The following F2RL2 variants were observed in gnomAD, a reference collection of about 807,000 sequenced individuals.
The protein encoded by F2RL2 is proteinase-activated receptor 3.
Under a neutral mutation model 4.3 loss-of-function variants are expected in F2RL2, and 4 were observed. The observed-to-expected ratio is 0.93, with a 90% CI of 0.46 to 2.12. The LOEUF is 2.12. F2RL2 is among the 30% of genes most tolerant of loss of function. The probability of loss-of-function intolerance (pLI) is 0.02; values close to 1 mark genes in which losing one functional copy is unlikely to be tolerated. For synonymous variants in F2RL2, 166 were observed against 170.9 expected, an observed-to-expected ratio of 0.97 and a Z score of 0.22; for missense variants, 408 against 449.3, an observed-to-expected ratio of 0.91 and a Z score of 0.83.
intron 1 of F2RL2, 22 bp downstream of exon 1, chr5:76,623,145 A>ACCCC: frequency 1.2e-6 from 2 of 1,612,672 alleles, no homozygotes; most frequent in Non-Finnish European, 8.5e-7. Flanking sequence ...TCCCCATCCT[A>ACCCC]CCCCCTGAGA....
Position 76,623,346 on chromosome 5 carries a change from A to C in F2RL2, c.-116T>G. Reference sequence around the variant, plus strand: ...ATGGAAGCCTTGGTCTGTCTGTAGAAGTTTGCTCTCCTGTGCCGTGCAGGC... The same window carrying C: ...ATGGAAGCCTTGGTCTGTCTGTAGACGTTTGCTCTCCTGTGCCGTGCAGGC... On this transcript the variant is annotated 5_prime_UTR_variant, in exon 1 of 2. Coordinates refer to ENST00000296641, the MANE Select transcript of F2RL2 (RefSeq NM_004101.4). 1 of 1,284,282 alleles carries C rather than the reference A, an allele frequency of 7.8e-7. No individual in the cohort carries two copies. Among genetic ancestry groups the C allele is most frequent in the Middle Eastern group, 2.1e-4 (1 of 4,866 alleles). The allele number at this position is 1,284,282 out of a possible 1,614,324, so 79.6% of individuals were successfully genotyped here.
Position 76,618,644 on chromosome 5 carries a change from T to C in F2RL2, c.65-2A>G. 1 of 1,604,252 alleles carries C rather than the reference T, an allele frequency of 6.2e-7. No individual in the cohort carries two copies. Among genetic ancestry groups the C allele is most frequent in the South Asian group, 1.1e-5 (1 of 90,474 alleles). On this transcript the variant is annotated splice_acceptor_variant, in intron 1 of 1. Coordinates refer to ENST00000296641, the MANE Select transcript of F2RL2 (RefSeq NM_004101.4). LOFTEE classifies it high-confidence loss of function. Reference sequence around the variant, plus strand: ...AGTTGTTTGTATCATTTTCCATGCCTGTAATTGAAAGAAAGTATTAACATA... The same window carrying C: ...AGTTGTTTGTATCATTTTCCATGCCCGTAATTGAAAGAAAGTATTAACATA...
At chr5:76,620,636 G>T (rs1743121380) in intron 1 of F2RL2, among the ~76,000 whole-genome samples, 1 of 152,194 alleles carries the variant, frequency 6.6e-6, no homozygotes, top group South Asian at 2.1e-4. Flanking sequence ...ATGATTTATT[G>T]TAGTCTGCAT....
chr5:76,619,970 A>AT (rs1364490142), intron 1 of F2RL2, among the ~76,000 whole-genome samples: 1 of 152,138 alleles, frequency 6.6e-6, no homozygotes, highest in African/African-American at 2.4e-5. Context: ...AAAGGGTCAT[A>AT]ACCCAAGGAA....
At chr5:76,622,205 C>G (rs999399568) in intron 1 of F2RL2, among the ~76,000 whole-genome samples, 1 of 152,088 alleles carries the variant, frequency 6.6e-6, no homozygotes, top group Non-Finnish European at 1.5e-5. Context: ...CTATTAGCGT[C>G]TTGAAGGAAC....
intron 1 of F2RL2, among the ~76,000 whole-genome samples, chr5:76,622,062 C>T (rs1749737149): frequency 6.6e-6 from 1 of 152,068 alleles, no homozygotes; most frequent in Admixed American, 6.5e-5. Flanking sequence ...AAAACAAAAC[C>T]ACAACGAAAT....
rs1482856656 is a variant in F2RL2, at chr5:76,623,236, T to G, written c.-6A>C. Reference sequence around the variant, plus strand: ...GCAAAGATGAGGGCTTTCATTTTGATGACCTGAGTCCCGTCTCTTAAACGT... The same window carrying G: ...GCAAAGATGAGGGCTTTCATTTTGAGGACCTGAGTCCCGTCTCTTAAACGT... On this transcript the variant is annotated 5_prime_UTR_variant, in exon 1 of 2. Coordinates refer to ENST00000296641, the MANE Select transcript of F2RL2 (RefSeq NM_004101.4). The G allele has an allele frequency of 1.9e-6, 3 of 1,614,214 alleles. No individual in the cohort carries two copies. The highest frequency in any genetic ancestry group is 1.3e-5 in the African/African-American group (1 of 75,070).
At chr5:76,621,975 T>G (rs1019472894) in intron 1 of F2RL2, among the ~76,000 whole-genome samples, 5 of 152,152 alleles carry the variant, frequency 3.3e-5, no homozygotes, top group Non-Finnish European at 7.4e-5. Flanking sequence ...TAAAGCCCCT[T>G]CCTCATCCCT....
At position 76,623,400 on chromosome 5, in the gene F2RL2, A is replaced by G. The variant is rs945364998; in HGVS notation, c.-170T>C. ...AAACTTGCCCTGGTCCTCCGCAGGG[A>G]AAGGATGTAATCCACTCGATGCTTC... On this transcript the variant is annotated 5_prime_UTR_variant, in exon 1 of 2. Transcript: ENST00000296641. 1 of 669,672 alleles carries G rather than the reference A, an allele frequency of 1.5e-6. No individual in the cohort carries two copies. The allele number at this position is 669,672 out of a possible 1,614,324, so 41.5% of individuals were successfully genotyped here.
In F2RL2 at chr5:76,618,246, AGAT is replaced by A. The variant is rs751666384; in HGVS notation, c.458_460del (p.His153del). 26 of 1,614,084 alleles carry A rather than the reference AGAT, an allele frequency of 1.6e-5. No homozygotes were observed. Among genetic ancestry groups the A allele is most frequent in the Admixed American group, 5.0e-5 (3 of 60,008 alleles). ...TCCAAATACCCAGTTGTTCCCATTG[AGAT>A]GATAAGCTATCTTAAAGGGCAATGT... On this transcript the variant is annotated inframe_deletion, in exon 2 of 2. Transcript: ENST00000296641.
chr5:76,617,951 G>A lies in F2RL2; in HGVS notation c.756C>T (p.Cys252=), dbSNP rs746156972. 9.9e-6 allele frequency: 16 copies of A among 1,613,958 alleles called. No individual in the cohort carries two copies. In the East Asian group the frequency reaches 1.1e-4, roughly 11 times the overall value. ...ITTCHDVHNT[C]ESSSPFQLYY... The stretch of plus-strand genomic sequence containing the variant: ...AGAGTTGGAAGGGAGATGAGGACTC[G>A]CAAGTGTTGTGAACATCATGGCAGG... Residue 252 remains cysteine (C), a synonymous_variant, in exon 2 of 2, where the codon TGC becomes TGT. Transcript: ENST00000296641.
chr5:76,622,070 A>ATT (rs1256917830), intron 1 of F2RL2, among the ~76,000 whole-genome samples: 1 of 152,168 alleles, frequency 6.6e-6, no homozygotes, highest in African/African-American at 2.4e-5. Flanking sequence ...ACCACAACGA[A>ATT]ATAAGGCAGG....
Position 76,623,308 on chromosome 5 carries a change from G to C in F2RL2, c.-78C>G. On this transcript the variant is annotated 5_prime_UTR_variant, in exon 1 of 2. Coordinates refer to ENST00000296641, the MANE Select transcript of F2RL2 (RefSeq NM_004101.4). The stretch of plus-strand genomic sequence containing the variant: ...GAGCACAATTTCACCTCAGTTCCAT[G>C]TGTCAGCAGCAAATGGAAGCCTTGG... 2 of 1,526,252 alleles carry C rather than the reference G, an allele frequency of 1.3e-6. No homozygotes were observed. The highest frequency in any genetic ancestry group is 1.8e-6 in the Non-Finnish European group (2 of 1,101,580). The allele number at this position is 1,526,252 out of a possible 1,614,324, so 94.5% of individuals were successfully genotyped here. A position where few individuals can be genotyped will look rare whatever the true frequency, so the allele number is the denominator to read the frequency against.
intron 1 of F2RL2, 63 bp downstream of exon 1, chr5:76,623,104 G>T: frequency 6.6e-7 from 1 of 1,507,338 alleles, no homozygotes; most frequent in Non-Finnish European, 9.2e-7. Context: ...CCTAGGTTCA[G>T]TTGACTCTTA....
chr5:76,620,240 G>A (rs1402454245), intron 1 of F2RL2, among the ~76,000 whole-genome samples: 3 of 152,180 alleles, frequency 2.0e-5, no homozygotes, highest in Non-Finnish European at 4.4e-5. Context: ...GAAATTACAG[G>A]CAAGGGGACC....
intron 1 of F2RL2, among the ~76,000 whole-genome samples, chr5:76,619,071 G>A (rs1749323406): frequency 6.6e-6 from 1 of 152,238 alleles, no homozygotes; most frequent in South Asian, 2.1e-4. Context: ...TTCTGCTGGT[G>A]ATGAATGGAC....
chr5:76,618,081 T>C lies in F2RL2; in HGVS notation c.626A>G (p.Tyr209Cys). 1 of 1,614,110 alleles carries C rather than the reference T, an allele frequency of 6.2e-7. No individual in the cohort carries two copies. Among genetic ancestry groups the C allele is most frequent in the African/African-American group, 1.3e-5 (1 of 75,026 alleles). ...CACCAGTCCACATGTTACCAAGGCA[T>C]AGGTGTGCTTGGGCAGGCCCCGGTA... ...FTYRGLPKHT[Y>C]ALVTCGLVWA... The change falls in exon 2 of 2, where the codon TAT (tyrosine) becomes TGT (cysteine). Residue 209 changes from tyrosine to cysteine, a missense_variant. By Grantham distance (194) the Tyr-to-Cys change is radical. Transcript: ENST00000296641.
chr5:76,619,460 T>C (rs1223356146), intron 1 of F2RL2, among the ~76,000 whole-genome samples: 4 of 151,986 alleles, frequency 2.6e-5, no homozygotes, highest in Non-Finnish European at 4.4e-5. Flanking sequence ...CCTACAAGTA[T>C]ATTCCTTTAC....
At chr5:76,622,016 A>T (rs1032394262) in intron 1 of F2RL2, among the ~76,000 whole-genome samples, 3 of 152,214 alleles carry the variant, frequency 2.0e-5, no homozygotes, top group Admixed American at 6.5e-5. Flanking sequence ...GACAGAAACT[A>T]AAAACCATGG....
Sources: allele counts gnomAD v4.1 joint callset (sites outside exome capture counted in the v4.1 genomes callset), GRCh38; gene constraint gnomAD v4.1.1; transcripts MANE v1.5; gene names NCBI Gene and HGNC (gene_info 2026-07-23, HGNC 2026-07-21).